INPP5D: variants seen among roughly 807,000 people sequenced by gnomAD.
INPP5D encodes the protein phosphatidylinositol 3,4,5-trisphosphate 5-phosphatase 1.
INPP5D carries 33 observed loss-of-function variants against 122.9 expected under a neutral mutation model. The ratio of observed to expected loss-of-function variants is 0.27; its 90% confidence interval spans 0.20 to 0.36. The LOEUF (loss-of-function observed/expected upper bound fraction) is 0.36, where lower values mean the gene tolerates loss of function less well. Among genes scored for constraint, INPP5D ranks in the 10% least tolerant of loss-of-function variants. The probability of loss-of-function intolerance (pLI) is 1.00; values close to 1 mark genes in which losing one functional copy is unlikely to be tolerated. For missense variants in INPP5D, 1,053 were observed against 1,412.7 expected (o/e 0.75, Z 4.08); for synonymous variants, 584 against 576.2 (o/e 1.01, Z -0.19).
At chr2:233,202,933 C>T (rs975956013) in intron 25 of INPP5D, among the ~76,000 whole-genome samples, 2 of 152,246 alleles carry the variant, frequency 1.3e-5, no homozygotes, top group Admixed American at 1.3e-4. Flanking sequence ...CCAGTACTCG[C>T]AAGTGTCCAA....
Position 233,169,368 on chromosome 2 carries a change from G to A in INPP5D, c.1619G>A (p.Ser540Asn). 10 of 1,603,470 alleles carry A rather than the reference G, an allele frequency of 6.2e-6. No homozygotes were observed. The highest frequency in any genetic ancestry group is 8.5e-6 in the Non-Finnish European group (10 of 1,174,798). The change falls in exon 14 of 27, where the codon AGC becomes AAC. Residue 540 changes from serine to asparagine, a missense_variant. Physicochemically the swap from Ser to Asn is conservative, Grantham distance 46. Around this residue, in one of 6 missense-constraint regions of INPP5D, gnomAD observed 258 missense variants for 439.1 expected, o/e 0.59. Coordinates refer to ENST00000445964, the MANE Select transcript of INPP5D (RefSeq NM_001017915.3). Reference protein sequence around the residue: ...FNGTSLGFVNSHLTSGSEKKL... With the variant: ...FNGTSLGFVNNHLTSGSEKKL... ...GGAACCTCCTTAGGGTTCGTCAACA[G>A]CCACTTGACTTCAGGAAGTGAAAAG...
intron 3 of INPP5D, among the ~76,000 whole-genome samples, chr2:233,122,760 T>G (rs1445601303): frequency 2.6e-5 from 4 of 152,102 alleles, no homozygotes; most frequent in Admixed American, 2.6e-4. Context: ...TGAGCCATGA[T>G]TGCACCACTG....
intron 18 of INPP5D, among the ~76,000 whole-genome samples, chr2:233,178,561 C>A (rs1040343011): frequency 1.3e-5 from 2 of 152,080 alleles, no homozygotes; most frequent in Non-Finnish European, 2.9e-5. Flanking sequence ...CGGCTCCCTG[C>A]AACCTCCGCC....
rs1183737422 is a variant in INPP5D, at chr2:233,184,416, A to T, written c.2170A>T (p.Thr724Ser). 6.2e-7 allele frequency: 1 copy of T among 1,613,966 alleles called. No homozygotes were observed. Among genetic ancestry groups the T allele is most frequent in the East Asian group, 2.2e-5 (1 of 44,876 alleles). ...GTTCTCCCCTGTTCCAGGTCCCGGG[A>T]CTGTTGACAGCCAAGGACAGATTGA... ...SQFVSKNGPG[T>S]VDSQGQIEFL... The change falls in exon 20 of 27, where the codon ACT becomes TCT. Residue 724 changes from threonine (T) to serine (S), a missense_variant. Physicochemically the swap from Thr to Ser is moderately conservative, Grantham distance 58. Transcript: ENST00000445964.
At chr2:233,104,276 A>G (rs564887025) in intron 2 of INPP5D, among the ~76,000 whole-genome samples, 2 of 152,238 alleles carry the variant, frequency 1.3e-5, no homozygotes, top group African/African-American at 4.8e-5. Flanking sequence ...CCATTTCTTT[A>G]TCTGTAAAAT....
At chr2:233,116,254 T>TAGATAGATAGATAGATAG (rs10682867) in intron 2 of INPP5D, among the ~76,000 whole-genome samples, 7 of 96,064 alleles carry the variant, frequency 7.3e-5, no homozygotes, top group South Asian at 5.8e-4. Flanking sequence ...GATAGATAGA[T>TAGATAGATAGATAGATAG]ATAGATATAG....
chr2:233,204,172 G>T lies in INPP5D; in HGVS notation c.3022G>T (p.Asp1008Tyr), dbSNP rs1485959913. Residue 1008 changes from aspartate (D) to tyrosine (Y), a missense_variant, in exon 26 of 27, where the codon GAC becomes TAC. This residue lies in a region of INPP5D where 417 missense variants were observed against 425.8 expected (regional missense o/e 0.98). Transcript: ENST00000445964. Reference sequence around the variant, plus strand: ...CGCAGGGGACACGCTGCCTCAGGAGGACCTGCCGCTGACGAAGCCCGAGAT... The same window carrying T: ...CGCAGGGGACACGCTGCCTCAGGAGTACCTGCCGCTGACGAAGCCCGAGAT... Reference protein sequence around the residue: ...KNAGDTLPQEDLPLTKPEMFE... With the variant: ...KNAGDTLPQEYLPLTKPEMFE... 1 of 1,600,912 alleles carries T rather than the reference G, an allele frequency of 6.2e-7. No homozygotes were observed. Among genetic ancestry groups the T allele is most frequent in the Admixed American group, 1.7e-5 (1 of 57,688 alleles).
At chr2:233,118,276 C>T (rs530872044) in intron 2 of INPP5D, among the ~76,000 whole-genome samples, 1 of 152,310 alleles carries the variant, frequency 6.6e-6, no homozygotes, top group South Asian at 2.1e-4. Flanking sequence ...GGCCATCGTA[C>T]CCTGATGCAG....
intron 22 of INPP5D, among the ~76,000 whole-genome samples, chr2:233,190,708 C>G (rs1193730668): frequency 6.6e-6 from 1 of 152,194 alleles, no homozygotes; most frequent in Admixed American, 6.5e-5. Flanking sequence ...TCAGGCTCAC[C>G]CTTGCTAGAC....
chr2:233,068,716 G>A (rs2106199190), intron 1 of INPP5D, among the ~76,000 whole-genome samples: 1 of 152,314 alleles, frequency 6.6e-6, no homozygotes, highest in South Asian at 2.1e-4. Context: ...AGAAGAGAAT[G>A]GGGGCAGAGG....
chr2:233,097,025 T>G (rs1037993895), intron 2 of INPP5D, among the ~76,000 whole-genome samples: 8 of 152,256 alleles, frequency 5.3e-5, no homozygotes, highest in Non-Finnish European at 1.2e-4. Context: ...AGCTCTTTAT[T>G]TATTTTTATG....
chr2:233,090,672 T>C (rs954879719), intron 2 of INPP5D, among the ~76,000 whole-genome samples: 4 of 152,106 alleles, frequency 2.6e-5, no homozygotes, highest in Admixed American at 6.6e-5. Flanking sequence ...TCAAAGTCAC[T>C]TGGGGTCGGG....
chr2:233,084,685 G>A (rs775269776), intron 2 of INPP5D, among the ~76,000 whole-genome samples: 10 of 152,250 alleles, frequency 6.6e-5, no homozygotes, highest in Admixed American at 3.3e-4. Context: ...TGGTCACTGA[G>A]TGAAGTAAAG....
chr2:233,199,153 G>A (rs544020943), intron 25 of INPP5D, among the ~76,000 whole-genome samples: 8 of 152,026 alleles, frequency 5.3e-5, no homozygotes, highest in Non-Finnish European at 1.0e-4. Context: ...CAGGAGAATC[G>A]CTTGAGCCCA....
intron 1 of INPP5D, among the ~76,000 whole-genome samples, chr2:233,075,025 G>A (rs1351634055): frequency 6.6e-6 from 1 of 151,950 alleles, no homozygotes; most frequent in Non-Finnish European, 1.5e-5. Flanking sequence ...AGAACTTCTC[G>A]TACTACATCA....
intron 1 of INPP5D, among the ~76,000 whole-genome samples, chr2:233,064,604 G>A (rs1425802228): frequency 1.3e-5 from 2 of 152,252 alleles, no homozygotes; most frequent in South Asian, 2.1e-4. Context: ...TGGGGAAACC[G>A]AGGTGCAGAG....
intron 1 of INPP5D, among the ~76,000 whole-genome samples, chr2:233,061,830 C>T (rs760807972): frequency 6.6e-6 from 1 of 152,240 alleles, no homozygotes; most frequent in African/African-American, 2.4e-5. Flanking sequence ...ACCTCTCCTG[C>T]TCCCAGTCCA....
At chr2:233,095,969 G>A (rs1692129157) in intron 2 of INPP5D, among the ~76,000 whole-genome samples, 2 of 152,176 alleles carry the variant, frequency 1.3e-5, no homozygotes, top group Admixed American at 6.5e-5. Context: ...TTAGCAATCT[G>A]TCCGTGAGAT....
At position 233,164,023 on chromosome 2, in the gene INPP5D, GC is replaced by G; in HGVS notation, c.1437+125del. On this transcript the variant is annotated intron_variant, in intron 12 of 26. Coordinates refer to ENST00000445964, the MANE Select transcript of INPP5D (RefSeq NM_001017915.3). The surrounding 1 kb of genome is among the most constrained non-coding windows in gnomAD (Gnocchi z 4.3). ...TCTCAGTTTTCAAGGATGTCTGGAG[GC>G]CCCCACTGAGAGATGCGTCTGTATT... The G allele has an allele frequency of 1.4e-6, 2 of 1,453,536 alleles. No homozygotes were observed. Among genetic ancestry groups the G allele is most frequent in the Non-Finnish European group, 1.8e-6 (2 of 1,101,466 alleles). 90.0% of individuals were successfully genotyped at this position (1,453,536 alleles called of 1,614,324 possible).
Sources: allele counts gnomAD v4.1 joint callset (sites outside exome capture counted in the v4.1 genomes callset), GRCh38; gene constraint gnomAD v4.1.1; regional missense constraint gnomAD v4.1.1; non-coding constraint Gnocchi (gnomAD v3.1); transcripts MANE v1.5; gene names NCBI Gene and HGNC (gene_info 2026-07-23, HGNC 2026-07-21).